PCDH11X: variants seen among roughly 807,000 people sequenced by gnomAD.
The protein encoded by PCDH11X is protocadherin 11 X-linked.
A neutral mutation model predicts 53.3 loss-of-function variants in PCDH11X; 18 were observed. That is an observed-to-expected ratio of 0.34 (90% CI 0.23 to 0.50). PCDH11X has a LOEUF of 0.50. PCDH11X is among the 20% of genes least tolerant of loss of function. The probability of loss-of-function intolerance (pLI) is 0.98; values close to 1 mark genes in which losing one functional copy is unlikely to be tolerated. For missense variants in PCDH11X, 570 were observed against 1,032.4 expected, an observed-to-expected ratio of 0.55 and a Z score of 6.14; for synonymous variants, 279 against 393.3, an observed-to-expected ratio of 0.71 and a Z score of 3.44.
intron 6 of PCDH11X, among the ~76,000 whole-genome samples, chrX:92,158,840 T>TG (rs2065587084): frequency 9.0e-6 from 1 of 111,177 alleles, no homozygotes; most frequent in Non-Finnish European, 1.9e-5. Context: ...TTCACCTTGT[T>TG]GGCCAGGATG....
At chrX:92,617,857 A>G (rs1464927603) in intron 10 of PCDH11X, among the ~76,000 whole-genome samples, 1 of 111,196 alleles carries the variant, frequency 9.0e-6, no homozygotes, top group Non-Finnish European at 1.9e-5. Flanking sequence ...ACTATTTTTT[A>G]GCTATAATTA....
intron 6 of PCDH11X, among the ~76,000 whole-genome samples, chrX:92,061,247 T>C (rs1223585532): frequency 3.6e-5 from 4 of 111,661 alleles, no homozygotes; most frequent in African/African-American, 9.8e-5. Flanking sequence ...GTCAGATGCA[T>C]ACTTTGAAAA....
chrX:91,848,447 T>C (rs1386536765), intron 5 of PCDH11X, among the ~76,000 whole-genome samples: 1 of 111,586 alleles, frequency 9.0e-6, no homozygotes, highest in Admixed American at 9.5e-5. Context: ...ATTGATACCA[T>C]TGATGCAGGA....
rs780948777 is a variant in PCDH11X at position 92,449,619 on chromosome X, G to A, written c.3344-18680G>A. Among the ~76,000 whole-genome samples the A allele has an allele frequency of 5.4e-5, 6 of 111,590 alleles. No homozygotes were observed. In the East Asian group the frequency reaches 1.7e-3, roughly 31 times the overall value. On this transcript the variant is annotated intron_variant, in intron 9 of 10. Coordinates refer to ENST00000682573, the MANE Select transcript of PCDH11X (RefSeq NM_032968.5). ...CACAAAAAAATAATGATAGAGCATG[G>A]GTTAAAACACACAGTATCGTGATTA...
At chrX:92,387,104 A>G (rs1222340850) in intron 8 of PCDH11X, among the ~76,000 whole-genome samples, 2 of 107,238 alleles carry the variant, frequency 1.9e-5, no homozygotes, top group East Asian at 2.9e-4. Context: ...TGCTAGGAAT[A>G]CCATTTATGA....
intron 7 of PCDH11X, among the ~76,000 whole-genome samples, chrX:92,238,070 G>A (rs375786503): frequency 1.8e-4 from 20 of 111,440 alleles, no homozygotes; most frequent in African/African-American, 3.9e-4. Flanking sequence ...TAAATTTTCC[G>A]CATCTTTGAA....
intron 6 of PCDH11X, among the ~76,000 whole-genome samples, chrX:92,200,665 A>G (rs1381140898): frequency 9.0e-6 from 1 of 111,555 alleles, no homozygotes; most frequent in African/African-American, 3.3e-5. Context: ...CTTAGCACTT[A>G]TCACATCTAT....
At chrX:92,612,148 A>T (rs1205691767) in intron 10 of PCDH11X, among the ~76,000 whole-genome samples, 1 of 110,764 alleles carries the variant, frequency 9.0e-6, no homozygotes, top group Non-Finnish European at 1.9e-5. Context: ...ATTTTTTTTT[A>T]AATAGTTTCA....
chrX:92,224,669 G>C (rs1011530589), intron 7 of PCDH11X, among the ~76,000 whole-genome samples: 3 of 111,591 alleles, frequency 2.7e-5, no homozygotes, highest in African/African-American at 9.8e-5. Context: ...CCCACTTGTG[G>C]GGTAGAGCTC....
intron 7 of PCDH11X, among the ~76,000 whole-genome samples, chrX:92,250,254 T>G (rs1335300735): frequency 1.8e-5 from 2 of 111,119 alleles, no homozygotes; most frequent in Non-Finnish European, 3.8e-5. Flanking sequence ...ATAGGAATAG[T>G]TAGTTTTGAA....
Position 92,448,147 on chromosome X carries a change from A to T in PCDH11X, c.3344-20152A>T, listed in dbSNP as rs376129038. 2.9e-5 allele frequency among the ~76,000 whole-genome samples: 3 copies of T among 103,170 alleles called. No individual in the cohort carries two copies. The East Asian group carries it at 9.5e-4, about 33-fold the overall frequency. The allele number at this position is 103,170 out of a possible 115,157, so 89.6% of individuals were successfully genotyped here. A position where few individuals can be genotyped will look rare whatever the true frequency, so the allele number is the denominator to read the frequency against. On this transcript the variant is annotated intron_variant, in intron 9 of 10. Transcript: ENST00000682573. ...TGGGGCTTGCCTTGTCTCAGATGAG[A>T]TGTTGGACTGTGGACTTTTGAGTTA...
chrX:92,566,110 G>C (rs1302470350), intron 10 of PCDH11X, among the ~76,000 whole-genome samples: 1 of 109,339 alleles, frequency 9.1e-6, no homozygotes, highest in East Asian at 2.9e-4. Context: ...AAAAAAAGAA[G>C]TTGGCTTTTT....
chrX:92,263,794 A>C (rs2067768443), intron 8 of PCDH11X, among the ~76,000 whole-genome samples: 1 of 112,569 alleles, frequency 8.9e-6, no homozygotes, highest in South Asian at 3.6e-4. Context: ...TGTTAAACAA[A>C]TAAACTATCT....
At chrX:92,218,887 T>G (rs59834892) in intron 7 of PCDH11X, among the ~76,000 whole-genome samples, 3,745 of 111,348 alleles carry the variant, frequency 0.034, 158 homozygotes, top group African/African-American at 0.12. Flanking sequence ...CAAGGCTGGT[T>G]CAATATATGC....
chrX:92,358,430 A>ACATTTTTG (rs1217312833), intron 8 of PCDH11X, among the ~76,000 whole-genome samples: 1 of 58,884 alleles, frequency 1.7e-5, no homozygotes, highest in Non-Finnish European at 3.2e-5. Context: ...TGTAGAATCT[A>ACATTTTTG]CATTTTTGGC....
chrX:92,570,774 A>T (rs904599225), intron 10 of PCDH11X, among the ~76,000 whole-genome samples: 1 of 101,687 alleles, frequency 9.8e-6, no homozygotes, highest in African/African-American at 3.6e-5. Context: ...TCTCTGTCAT[A>T]ATCTAAATCT....
At chrX:92,054,119 C>A (rs1234139993) in intron 6 of PCDH11X, among the ~76,000 whole-genome samples, 1 of 111,785 alleles carries the variant, frequency 8.9e-6, no homozygotes, top group East Asian at 2.8e-4. Context: ...CAACACCCAA[C>A]ATTGCCATGA....
At chrX:92,376,444 T>G (rs1364507388) in intron 8 of PCDH11X, among the ~76,000 whole-genome samples, 2 of 112,176 alleles carry the variant, frequency 1.8e-5, no homozygotes, top group East Asian at 5.6e-4. Context: ...CTGAAGAGAT[T>G]TGATGATTTT....
Position 91,837,820 on chromosome X carries a change from C to A in PCDH11X, c.540+1776C>A, listed in dbSNP as rs773060429. ...AATCTGTGTGAGAACAATGCAGTAGCCACCAGTCACACGTAGCTGTAGAGT... is the reference window on the plus strand; with the variant it reads ...AATCTGTGTGAGAACAATGCAGTAGACACCAGTCACACGTAGCTGTAGAGT... On this transcript the variant is annotated intron_variant, in intron 5 of 10. Coordinates refer to ENST00000682573, the MANE Select transcript of PCDH11X (RefSeq NM_032968.5). Among the ~76,000 whole-genome samples the A allele has an allele frequency of 1.1e-4, 12 of 111,277 alleles. No homozygotes were observed. In the Admixed American group the frequency reaches 1.2e-3, roughly 11 times the overall value.
Sources: gnomAD v4.1 joint callset for allele counts (sites outside exome capture counted in the v4.1 genomes callset) on GRCh38, gnomAD v4.1.1 for gene constraint, MANE v1.5 for transcripts, NCBI Gene and HGNC (gene_info 2026-07-23, HGNC 2026-07-21) for gene names.